The following WDR74 variants were observed in gnomAD, a reference collection of about 807,000 sequenced individuals.
WDR74 encodes the protein WD repeat-containing protein 74.
WDR74 carries 31 observed loss-of-function variants against 45.6 expected under a neutral mutation model. That is an observed-to-expected ratio of 0.68 (90% CI 0.51 to 0.92). The LOEUF (loss-of-function observed/expected upper bound fraction) is 0.92, where lower values mean the gene tolerates loss of function less well. Among genes scored for constraint, WDR74 ranks in the 40% least tolerant of loss-of-function variants. WDR74 has a pLI of 0.00. For missense variants in WDR74, 455 were observed against 497.2 expected, an observed-to-expected ratio of 0.92 and a Z score of 0.81; for synonymous variants, 191 against 192.4, an observed-to-expected ratio of 0.99 and a Z score of 0.06.
At chr11:62,841,236 G>A (rs147806696), upstream of WDR74, among the ~76,000 whole-genome samples, 1,193 of 152,302 alleles carry the variant, frequency 7.8e-3, 16 homozygotes, top group African/African-American at 0.027. Flanking sequence ...AGAATCGCAT[G>A]AACCCGGGAG....
At chr11:62,836,633 C>G (rs2084963949) in intron 3 of WDR74, 1 of 156,052 alleles carries the variant, frequency 6.4e-6, no homozygotes, top group Non-Finnish European at 1.4e-5. Context: ...TATGTTCTTT[C>G]TCACACCTGC....
chr11:62,834,933 A>G (rs1382599935), intron 6 of WDR74: 1 of 230,510 alleles, frequency 4.3e-6, no homozygotes, highest in Non-Finnish European at 8.6e-6. Context: ...TCAGACTTCA[A>G]TGTGCAGAAG....
At chr11:62,835,338 T>G in intron 6 of WDR74, 93 bp downstream of exon 6, 1 of 1,163,888 alleles carries the variant, frequency 8.6e-7, no homozygotes, top group Non-Finnish European at 1.3e-6. Flanking sequence ...GAACTCAGAA[T>G]GGTGAGAAGA....
At chr11:62,837,178 T>TA (rs2084970797) in intron 3 of WDR74, among the ~76,000 whole-genome samples, 4 of 151,954 alleles carry the variant, frequency 2.6e-5, no homozygotes, top group Admixed American at 2.6e-4. Context: ...CCCAACCTAA[T>TA]ATAGTGTTCA....
intron 8 of WDR74, 50 bp downstream of exon 8, chr11:62,834,226 A>T: frequency 6.2e-7 from 1 of 1,612,324 alleles, no homozygotes; most frequent in South Asian, 1.1e-5. Flanking sequence ...GGGAATCCTG[A>T]CCCTTCTCCC....
chr11:62,837,810 A>G (rs1427467436), intron 3 of WDR74, among the ~76,000 whole-genome samples: 1 of 152,244 alleles, frequency 6.6e-6, no homozygotes, highest in East Asian at 1.9e-4. Flanking sequence ...AAGCAAGGCC[A>G]GTCATCCAAC....
At chr11:62,840,894 G>A (rs746703017), upstream of WDR74, among the ~76,000 whole-genome samples, 7 of 152,064 alleles carry the variant, frequency 4.6e-5, no homozygotes, top group Non-Finnish European at 8.8e-5. Context: ...CACATCAAAC[G>A]CGAAACCAGG....
At chr11:62,835,259 G>T in intron 6 of WDR74, 172 bp downstream of exon 6, 1 of 617,474 alleles carries the variant, frequency 1.6e-6, no homozygotes, top group Non-Finnish European at 2.8e-6. Context: ...CTCCACCCTA[G>T]AATACAGTAG....
chr11:62,833,883 C>T lies in WDR74; in HGVS notation c.830G>A (p.Cys277Tyr). 6.2e-7 allele frequency: 1 copy of T among 1,613,986 alleles called. No homozygotes were observed. Among genetic ancestry groups the T allele is most frequent in the Non-Finnish European group, 8.5e-7 (1 of 1,179,896 alleles). The change falls in exon 9 of 11, where the codon TGC becomes TAC. Residue 277 changes from cysteine to tyrosine, a missense_variant. Transcript: ENST00000278856. The stretch of plus-strand genomic sequence containing the variant: ...GGCTAGTAGAGGCTTTGAAGGGTGG[C>T]ACTGCAACCCACGCACACTGCCTGC... ...GLAGSVRGLQ[C>Y]HPSKPLLASC... is the part of the protein sequence containing the mutation.
At chr11:62,835,918 C>T in intron 4 of WDR74, 43 bp downstream of exon 4, 1 of 1,583,108 alleles carries the variant, frequency 6.3e-7, no homozygotes, top group East Asian at 2.3e-5. Context: ...TAGGCACCTA[C>T]CCCAGCCCAC....
chr11:62,836,022 C>T lies in WDR74; in HGVS notation c.308G>A (p.Cys103Tyr), dbSNP rs1565222023. 1 of 1,592,890 alleles carries T rather than the reference C, an allele frequency of 6.3e-7. No homozygotes were observed. The change falls in exon 4 of 11, where the codon TGT becomes TAT. Residue 103 changes from cysteine to tyrosine, a missense_variant. Transcript: ENST00000278856. The part of the protein sequence containing the change: ...LAQADGTLIT[C>Y]VDSGILRVWH... ...GACTCTGAGAATCCCAGAATCCACA[C>T]ATGTGATGAGGGTGCTGCAGAGAAA...
chr11:62,833,262 A>G (rs1403517122), intron 10 of WDR74, 131 bp from the exon 11 acceptor site: 2 of 687,038 alleles, frequency 2.9e-6, no homozygotes, highest in Non-Finnish European at 4.6e-6. Context: ...AGACTGGGCA[A>G]CATAAGGAGA....
Position 62,838,165 on chromosome 11 carries a change from T to G in WDR74, c.293+949A>C, listed in dbSNP as rs201692272. Among the ~76,000 whole-genome samples, 4 of 152,182 alleles carry G rather than the reference T, an allele frequency of 2.6e-5. No individual in the cohort carries two copies. In the East Asian group the frequency reaches 7.7e-4, roughly 29 times the overall value. On this transcript the variant is annotated intron_variant, in intron 3 of 10. Coordinates refer to ENST00000278856, the MANE Select transcript of WDR74 (RefSeq NM_001369450.1). ...CATGCTTAAAACTTTTTTTGTTGTT[T>G]TTTTTGAGATGGAGTCTTGCTCTGT...
upstream of WDR74, chr11:62,839,605 G>A: frequency 6.3e-7 from 1 of 1,574,812 alleles, no homozygotes; most frequent in Non-Finnish European, 8.6e-7. Flanking sequence ...CACACTTCCG[G>A]CGCAGCGTGT....
At position 62,837,492 on chromosome 11, in the gene WDR74, G is replaced by A. The variant is rs193302787; in HGVS notation, c.294-1456C>T. On this transcript the variant is annotated intron_variant, in intron 3 of 10. Coordinates refer to ENST00000278856, the MANE Select transcript of WDR74 (RefSeq NM_001369450.1). Reference sequence around the variant, plus strand: ...AGCCTGGGCAACAGAGTGAGACTCCGTATATAAAAAAAAAACAAAAAACAA... The same window carrying A: ...AGCCTGGGCAACAGAGTGAGACTCCATATATAAAAAAAAAACAAAAAACAA... 4.5e-4 allele frequency among the ~76,000 whole-genome samples: 63 copies of A among 138,480 alleles called. 1 individual carries two copies. Among genetic ancestry groups the A allele is most frequent in the African/African-American group, 1.5e-3 (57 of 37,168 alleles). The allele number at this position is 138,480 out of a possible 152,430, so 90.8% of individuals were successfully genotyped here.
upstream of WDR74, chr11:62,839,701 G>T: frequency 8.5e-7 from 1 of 1,174,046 alleles, no homozygotes; most frequent in Non-Finnish European, 1.2e-6. Context: ...TTCCATGCTT[G>T]TTTTGCTTTA....
At position 62,833,834 on chromosome 11, in the gene WDR74, C is replaced by T; in HGVS notation, c.879G>A (p.Leu293=). The change falls in exon 9 of 11, where the codon TTG becomes TTA. Residue 293 remains leucine (L), a synonymous_variant. Coordinates refer to ENST00000278856, the MANE Select transcript of WDR74 (RefSeq NM_001369450.1). ...LLASCGLDRV[L]RIHRIQNPRG... Reference sequence around the variant, plus strand: ...GTGGATTCTGGATCCTGTGTATCCTCAAGACTCTGTCCAAGCCACAGGAGG... The same window carrying T: ...GTGGATTCTGGATCCTGTGTATCCTTAAGACTCTGTCCAAGCCACAGGAGG... 1 of 1,613,950 alleles carries T rather than the reference C, an allele frequency of 6.2e-7. No homozygotes were observed. Among genetic ancestry groups the T allele is most frequent in the Non-Finnish European group, 8.5e-7 (1 of 1,179,864 alleles).
intron 3 of WDR74, 36 bp from the exon 4 acceptor site, chr11:62,836,072 G>A (rs1413446469): frequency 6.5e-7 from 1 of 1,546,024 alleles, no homozygotes; most frequent in Admixed American, 1.9e-5. Context: ...TTTTTTAAGT[G>A]CTTAAACTCC....
At position 62,835,942 on chromosome 11, in the gene WDR74, C is replaced by G. The variant is rs1285499551; in HGVS notation, c.369+19G>C. 15 of 1,588,276 alleles carry G rather than the reference C, an allele frequency of 9.4e-6. No homozygotes were observed. Among genetic ancestry groups the G allele is most frequent in the Non-Finnish European group, 1.7e-6 (2 of 1,167,124 alleles). Reference sequence around the variant, plus strand: ...ACCCCAGCCCACCTCCCCCAACCATCAGGGCAGGGGAGCCTCACTGGGTCA... The same window carrying G: ...ACCCCAGCCCACCTCCCCCAACCATGAGGGCAGGGGAGCCTCACTGGGTCA... On this transcript the variant is annotated intron_variant, in intron 4 of 10. Transcript: ENST00000278856.
Sources: gnomAD v4.1 joint callset for allele counts (sites outside exome capture counted in the v4.1 genomes callset) on GRCh38, gnomAD v4.1.1 for gene constraint, MANE v1.5 for transcripts, NCBI Gene and HGNC (gene_info 2026-07-23, HGNC 2026-07-21) for gene names.